DNM3: variants seen among roughly 807,000 people sequenced by gnomAD.
The protein encoded by DNM3 is dynamin-3.
In DNM3, 47 loss-of-function variants were observed where a neutral mutation model predicts 101.6. The ratio of observed to expected loss-of-function variants is 0.46; its 90% CI spans 0.37 to 0.59. The LOEUF is 0.59. Among genes scored for constraint, DNM3 ranks in the 20% least tolerant of loss-of-function variants. DNM3 has a pLI of 0.00. For missense variants in DNM3, 849 were observed against 1,085.7 expected (o/e 0.78, Z 3.06); for synonymous variants, 385 against 387.9 (o/e 0.99, Z 0.09).
At chr1:172,253,529 CCTCTCCTCTCCTCT>C (rs1553210056) in intron 14 of DNM3, 30 bp from the exon 15 acceptor site, 5 of 1,199,202 alleles carry the variant, frequency 4.2e-6, no homozygotes, top group South Asian at 4.0e-5. Flanking sequence ...CCTCTCCTCT[CCTCTCCTCTCCTCT>C]CCCTCTTTTC....
In DNM3 at chr1:172,131,225, C is replaced by A. The variant is rs376534975; in HGVS notation, c.1596C>A (p.Gly532=). ...TCAGCAACATTGGCATCATGAAAGG[C>A]GGCTCGAAGGGATACTGGTTCGTCC... The part of the protein sequence containing the change: ...LTISNIGIMK[G]GSKGYWFVLT... The change falls in exon 14 of 21, where the codon GGC becomes GGA. Residue 532 remains glycine, a synonymous_variant. Transcript: ENST00000627582. 1.2e-6 allele frequency: 2 copies of A among 1,613,344 alleles called. No homozygotes were observed. The highest frequency in any genetic ancestry group is 1.7e-6 in the Non-Finnish European group (2 of 1,179,572).
chr1:172,217,887 T>C (rs1230635120), intron 14 of DNM3, among the ~76,000 whole-genome samples: 1 of 152,170 alleles, frequency 6.6e-6, no homozygotes, highest in Non-Finnish European at 1.5e-5. Context: ...TATTTTAAAC[T>C]AGAATGGTTA....
intron 1 of DNM3, among the ~76,000 whole-genome samples, chr1:171,851,799 G>A (rs533014344): frequency 2.0e-5 from 3 of 152,324 alleles, no homozygotes; most frequent in East Asian, 1.9e-4. Context: ...AGTGTTAAGC[G>A]AAGTATCAGA....
chr1:172,353,815 G>A (rs2148990351), intron 17 of DNM3, among the ~76,000 whole-genome samples: 1 of 152,206 alleles, frequency 6.6e-6, no homozygotes, highest in Non-Finnish European at 1.5e-5. Flanking sequence ...CTTGAAAACT[G>A]TATGCCTCTA....
chr1:172,177,836 A>C (rs1037479702), intron 14 of DNM3, among the ~76,000 whole-genome samples: 6 of 151,926 alleles, frequency 3.9e-5, no homozygotes, highest in Admixed American at 3.9e-4. Context: ...CCTAAAGGTC[A>C]TGCACATCCT....
intron 2 of DNM3, among the ~76,000 whole-genome samples, chr1:171,981,634 T>C (rs2044800841): frequency 6.6e-6 from 1 of 152,188 alleles, no homozygotes. Context: ...GAAATAAAAA[T>C]AAAATAGAAT....
At chr1:171,855,627 T>A (rs2033520843) in intron 1 of DNM3, among the ~76,000 whole-genome samples, 1 of 152,196 alleles carries the variant, frequency 6.6e-6, no homozygotes, top group East Asian at 1.9e-4. Flanking sequence ...TTTCTGATGA[T>A]CAGTGATGTT....
At chr1:172,192,465 C>T (rs1168191955) in intron 14 of DNM3, among the ~76,000 whole-genome samples, 14 of 149,752 alleles carry the variant, frequency 9.3e-5, no homozygotes, top group African/African-American at 2.9e-4. Flanking sequence ...CATGCTGGTG[C>T]GCTGCACCCA....
intron 17 of DNM3, among the ~76,000 whole-genome samples, chr1:172,353,458 G>T (rs1397862305): frequency 6.6e-6 from 1 of 152,024 alleles, no homozygotes; most frequent in Non-Finnish European, 1.5e-5. Flanking sequence ...ATTCATTTTT[G>T]TATCTAATGT....
chr1:171,866,358 T>G (rs984217556), intron 1 of DNM3, among the ~76,000 whole-genome samples: 4 of 152,084 alleles, frequency 2.6e-5, no homozygotes, highest in African/African-American at 9.7e-5. Context: ...CTTTTGTACA[T>G]CATAGGTAGC....
intron 13 of DNM3, among the ~76,000 whole-genome samples, chr1:172,123,866 G>A (rs1049586638): frequency 3.3e-5 from 5 of 152,098 alleles, no homozygotes; most frequent in African/African-American, 1.2e-4. Flanking sequence ...CCCTCTTTGA[G>A]GTAAGAAGTC....
intron 1 of DNM3, among the ~76,000 whole-genome samples, chr1:171,866,318 C>T (rs1272051323): frequency 2.0e-5 from 3 of 152,134 alleles, no homozygotes; most frequent in Non-Finnish European, 4.4e-5. Context: ...GATCTGGCTA[C>T]CAACTACTTC....
chr1:172,305,295 A>G (rs2064739671), intron 15 of DNM3, among the ~76,000 whole-genome samples: 1 of 152,242 alleles, frequency 6.6e-6, no homozygotes, highest in Admixed American at 6.5e-5. Context: ...GAAATGGATA[A>G]ATTCCTGGAC....
chr1:172,309,570 A>G (rs2064993077), intron 16 of DNM3: 1 of 152,162 alleles, frequency 6.6e-6, no homozygotes, highest in Admixed American at 6.6e-5. Flanking sequence ...CCTCCTGTAT[A>G]TCTAGATTAT....
intron 20 of DNM3, among the ~76,000 whole-genome samples, chr1:172,399,281 T>C (rs1225544453): frequency 1.3e-5 from 2 of 152,228 alleles, no homozygotes; most frequent in Non-Finnish European, 2.9e-5. Context: ...AGTTTCATAG[T>C]GCCTTCAACC....
intron 1 of DNM3, among the ~76,000 whole-genome samples, chr1:171,912,657 A>C (rs1315044632): frequency 6.6e-6 from 1 of 152,234 alleles, no homozygotes; most frequent in Non-Finnish European, 1.5e-5. Context: ...AACCTTTTAA[A>C]GGAACTCTTC....
chr1:172,228,546 A>G (rs1237847130), intron 14 of DNM3, among the ~76,000 whole-genome samples: 1 of 152,134 alleles, frequency 6.6e-6, no homozygotes, highest in Non-Finnish European at 1.5e-5. Flanking sequence ...GTTATTGTTT[A>G]GAATTTTCCT....
intron 14 of DNM3, among the ~76,000 whole-genome samples, chr1:172,151,476 A>G (rs1233018295): frequency 6.6e-6 from 1 of 152,158 alleles, no homozygotes; most frequent in Non-Finnish European, 1.5e-5. Context: ...TTTACTCCCA[A>G]TCTTCTGTCT....
intron 9 of DNM3, 127 bp downstream of exon 9, chr1:172,044,579 C>T: frequency 1.3e-6 from 1 of 750,516 alleles, no homozygotes; most frequent in Non-Finnish European, 2.1e-6. Context: ...GAGTAAGAAA[C>T]AGGAAATCCT....
Sources: allele counts gnomAD v4.1 joint callset (sites outside exome capture counted in the v4.1 genomes callset), GRCh38; gene constraint gnomAD v4.1.1; transcripts MANE v1.5; gene names NCBI Gene and HGNC (gene_info 2026-07-23, HGNC 2026-07-21).